The following XYLT1 variants were observed in gnomAD, a reference collection of about 807,000 sequenced individuals.
The protein encoded by XYLT1 is xylosyltransferase 1.
In XYLT1, 36 loss-of-function variants were observed where a neutral mutation model predicts 91.3. The ratio of observed to expected loss-of-function variants is 0.39; its 90% CI spans 0.30 to 0.52. The LOEUF is 0.52. XYLT1 is among the 20% of genes least tolerant of loss of function. XYLT1 has a pLI of 0.68. For missense variants in XYLT1, 1,242 were observed against 1,284.5 expected, an observed-to-expected ratio of 0.97 and a Z score of 0.51; for synonymous variants, 588 against 532.0, an observed-to-expected ratio of 1.11 and a Z score of -1.45.
At chr16:17,455,333 G>C (rs540704791) in intron 1 of XYLT1, among the ~76,000 whole-genome samples, 1 of 152,154 alleles carries the variant, frequency 6.6e-6, no homozygotes, top group African/African-American at 2.4e-5. Context: ...TTATAATAAA[G>C]TAGCTTACAA....
chr16:17,305,414 CTTCT>C (rs1439253125), intron 2 of XYLT1, among the ~76,000 whole-genome samples: 69 of 129,886 alleles, frequency 5.3e-4, no homozygotes, highest in African/African-American at 2.0e-3. Flanking sequence ...CCTTCTTCTT[CTTCT>C]TTTTTTTTTT....
chr16:17,377,566 C>T (rs184266736), intron 1 of XYLT1, among the ~76,000 whole-genome samples: 79 of 151,776 alleles, frequency 5.2e-4, no homozygotes, highest in African/African-American at 1.8e-3. Flanking sequence ...CCCTGCCCAA[C>T]AAACACATTC....
At chr16:17,279,974 C>G (rs2034032974) in intron 2 of XYLT1, among the ~76,000 whole-genome samples, 1 of 152,202 alleles carries the variant, frequency 6.6e-6, no homozygotes, top group Non-Finnish European at 1.5e-5. Context: ...CTCTTTCTGT[C>G]CCTCTGTTTG....
chr16:17,201,364 T>C (rs1188843515), intron 3 of XYLT1, among the ~76,000 whole-genome samples: 1 of 152,214 alleles, frequency 6.6e-6, no homozygotes, highest in Non-Finnish European at 1.5e-5. Context: ...GAATGCTGAT[T>C]CTCCATAGCC....
At chr16:17,379,793 A>ACACC (rs71373108) in intron 1 of XYLT1, among the ~76,000 whole-genome samples, 4,414 of 140,574 alleles carry the variant, frequency 0.031, 93 homozygotes, top group South Asian at 0.059. Context: ...ACACACACAC[A>ACACC]CCCCTTACCT....
chr16:17,171,522 C>T (rs2031819331), intron 5 of XYLT1, among the ~76,000 whole-genome samples: 1 of 152,188 alleles, frequency 6.6e-6, no homozygotes, highest in Admixed American at 6.5e-5. Flanking sequence ...GACTCTTTAC[C>T]CACAGATTTC....
chr16:17,389,270 G>A (rs2035786026), intron 1 of XYLT1, among the ~76,000 whole-genome samples: 1 of 152,122 alleles, frequency 6.6e-6, no homozygotes. Context: ...CTTAGAGATA[G>A]GGTTTCACCC....
intron 1 of XYLT1, among the ~76,000 whole-genome samples, chr16:17,391,388 C>T (rs1277091823): frequency 6.6e-6 from 1 of 152,132 alleles, no homozygotes; most frequent in African/African-American, 2.4e-5. Flanking sequence ...ACTTTGTCCG[C>T]CAAACTATCC....
At chr16:17,256,656 A>G (rs1256950371) in intron 3 of XYLT1, among the ~76,000 whole-genome samples, 12 of 151,782 alleles carry the variant, frequency 7.9e-5, no homozygotes, top group African/African-American at 2.9e-4. Flanking sequence ...CTCGAAAAAA[A>G]AAACAAAAAA....
intron 6 of XYLT1, among the ~76,000 whole-genome samples, chr16:17,153,961 G>A (rs1031921019): frequency 1.6e-4 from 24 of 152,134 alleles, no homozygotes; most frequent in African/African-American, 5.3e-4. Context: ...AAAGTCAGAC[G>A]GAACCAGGTT....
At chr16:17,252,478 G>A (rs1242972626) in intron 3 of XYLT1, among the ~76,000 whole-genome samples, 1 of 152,168 alleles carries the variant, frequency 6.6e-6, no homozygotes, top group Non-Finnish European at 1.5e-5. Flanking sequence ...GGGTGATGCA[G>A]CAGAGTCCCT....
intron 2 of XYLT1, among the ~76,000 whole-genome samples, chr16:17,351,473 A>G (rs1355934504): frequency 6.6e-6 from 1 of 152,182 alleles, no homozygotes; most frequent in African/African-American, 2.4e-5. Context: ...AGATCACACC[A>G]TTGCATTCCA....
intron 3 of XYLT1, among the ~76,000 whole-genome samples, chr16:17,232,356 A>C (rs1351485624): frequency 7.0e-6 from 1 of 142,318 alleles, no homozygotes; most frequent in African/African-American, 2.6e-5. Flanking sequence ...TCCACCGTTG[A>C]CTGAAACACT....
intron 1 of XYLT1, among the ~76,000 whole-genome samples, chr16:17,363,093 T>C (rs958230927): frequency 6.6e-6 from 1 of 152,072 alleles, no homozygotes; most frequent in Non-Finnish European, 1.5e-5. Flanking sequence ...AAGAAACTCT[T>C]CTTGGGATTG....
chr16:17,342,901 T>C (rs936418503), intron 2 of XYLT1, among the ~76,000 whole-genome samples: 1 of 152,214 alleles, frequency 6.6e-6, no homozygotes, highest in Non-Finnish European at 1.5e-5. Context: ...GATAATATGA[T>C]ATGCTATTGA....
intron 3 of XYLT1, among the ~76,000 whole-genome samples, chr16:17,242,765 CCT>C (rs1037403046): frequency 1.3e-5 from 2 of 152,068 alleles, no homozygotes; most frequent in African/African-American, 4.8e-5. Context: ...AAAACAAATC[CCT>C]GTTTCTCTCT....
At chr16:17,184,185 C>CTTTT (rs71390593) in intron 5 of XYLT1, among the ~76,000 whole-genome samples, 2,454 of 107,390 alleles carry the variant, frequency 0.023, 140 homozygotes, top group Middle Eastern at 0.054. Flanking sequence ...TAAAAGACGG[C>CTTTT]TTTTTTTTTT....
At chr16:17,236,989 C>A (rs1396610800) in intron 3 of XYLT1, among the ~76,000 whole-genome samples, 1 of 152,146 alleles carries the variant, frequency 6.6e-6, no homozygotes, top group African/African-American at 2.4e-5. Flanking sequence ...ATCTACTTAG[C>A]AATTGAGTAT....
chr16:17,446,121 CCTG>C (rs2036588034), intron 1 of XYLT1: 1 of 152,186 alleles, frequency 6.6e-6, no homozygotes, highest in African/African-American at 2.4e-5. Context: ...AGAGCAACCA[CCTG>C]CTATTTAATA....
Sources: allele counts gnomAD v4.1 joint callset (sites outside exome capture counted in the v4.1 genomes callset), GRCh38; gene constraint gnomAD v4.1.1; transcripts MANE v1.5; gene names NCBI Gene and HGNC (gene_info 2026-07-23, HGNC 2026-07-21).